Variants in TRIM36 observed in about 807,000 individuals in gnomAD.
TRIM36 encodes tripartite motif containing 36.
In TRIM36, 42 loss-of-function variants were observed where a neutral mutation model predicts 72.4. The observed-to-expected ratio is 0.58, with a 90% confidence interval of 0.45 to 0.75. The LOEUF (loss-of-function observed/expected upper bound fraction) is 0.75. TRIM36 is among the 30% of genes least tolerant of loss of function. The pLI, the probability that TRIM36 is intolerant of heterozygous loss-of-function variation, is 0.00. For missense variants in TRIM36, 913 were observed against 857.1 expected (o/e 1.07, Z -0.81); for synonymous variants, 315 against 282.8 (o/e 1.11, Z -1.14).
rs1340012431 is a variant in TRIM36, at chr5:115,169,603, C to A, written c.27+5G>T. 6.6e-7 allele frequency: 1 copy of A among 1,521,696 alleles called. No individual in the cohort carries two copies. The highest frequency in any genetic ancestry group is 8.8e-7 in the Non-Finnish European group (1 of 1,140,462). The allele number at this position is 1,521,696 out of a possible 1,614,324, so 94.3% of individuals were successfully genotyped here. On this transcript the variant is annotated splice_donor_5th_base_variant and intron_variant, in intron 1 of 9. Transcript: ENST00000513154. ...GGTGGGGGCGGCGGTCCCCTCCGCACTCACCGGCGAATCTGAGCCATCGCC... is the reference window on the plus strand; with the variant it reads ...GGTGGGGGCGGCGGTCCCCTCCGCAATCACCGGCGAATCTGAGCCATCGCC...
intron 9 of TRIM36, 90 bp from the exon 10 acceptor site, chr5:115,126,947 G>A: frequency 8.0e-7 from 1 of 1,243,510 alleles, no homozygotes; most frequent in South Asian, 1.7e-5. Flanking sequence ...TTGATGTAAA[G>A]TTAAAATAGT....
At chr5:115,167,735 C>CT (rs1487243073) in intron 1 of TRIM36, among the ~76,000 whole-genome samples, 2 of 152,214 alleles carry the variant, frequency 1.3e-5, no homozygotes, top group Non-Finnish European at 2.9e-5. Context: ...CAAACTGTTC[C>CT]AATCTCTGCC....
At chr5:115,128,517 C>T (rs1479556505) in intron 9 of TRIM36, among the ~76,000 whole-genome samples, 1 of 151,532 alleles carries the variant, frequency 6.6e-6, no homozygotes, top group Admixed American at 6.6e-5. Flanking sequence ...CTTTGGGAGG[C>T]TGAGGCGGGT....
chr5:115,130,659 C>G lies in TRIM36; in HGVS notation c.1729G>C (p.Val577Leu), dbSNP rs760902793. The G allele has an allele frequency of 6.2e-7, 1 of 1,614,168 alleles. No individual in the cohort carries two copies. Among genetic ancestry groups the G allele is most frequent in the South Asian group, 1.1e-5 (1 of 91,086 alleles). Reference sequence around the variant, plus strand: ...AGTTTATCGCTAGAAGCAACTCCCACTTTTACCAGGTATGAATATGGTTCC... The same window carrying G: ...AGTTTATCGCTAGAAGCAACTCCCAGTTTTACCAGGTATGAATATGGTTCC... ...RVEPYSYLVK[V>L]GVASSDKLQE... The change falls in exon 9 of 10, where the codon GTG becomes CTG. Residue 577 changes from valine to leucine, a missense_variant. By Grantham distance (32) the Val-to-Leu change is conservative. Coordinates refer to ENST00000513154, the MANE Select transcript of TRIM36 (RefSeq NM_001300759.2).
upstream of TRIM36, among the ~76,000 whole-genome samples, chr5:115,170,291 GCCCTGGC>G (rs950857748): frequency 3.9e-5 from 6 of 152,212 alleles, no homozygotes; most frequent in African/African-American, 1.2e-4. Context: ...GCCGGCTGCA[GCCCTGGC>G]CCCTGGCCCC....
chr5:115,131,419 G>C (rs1476979375), intron 8 of TRIM36, among the ~76,000 whole-genome samples: 1 of 151,992 alleles, frequency 6.6e-6, no homozygotes, highest in Non-Finnish European at 1.5e-5. Flanking sequence ...GAGAGACCTG[G>C]GTTTGAATCC....
intron 4 of TRIM36, among the ~76,000 whole-genome samples, chr5:115,143,156 G>T (rs1176381075): frequency 1.5e-5 from 2 of 136,962 alleles, no homozygotes; most frequent in African/African-American, 5.6e-5. Flanking sequence ...CACCCTACAG[G>T]TTCAAGGAAA....
At chr5:115,148,286 T>C in intron 2 of TRIM36, 1 of 952,398 alleles carries the variant, frequency 1.0e-6, no homozygotes, top group Non-Finnish European at 1.2e-6. Context: ...TTTTGTTCAG[T>C]ATTATCCCAA....
rs932836335 is a variant in TRIM36 at position 115,177,839 on chromosome 5, G to T, written c.63+2136C>A. Reference sequence around the variant, plus strand: ...CCACCTTTAGAAGTCAACCGGGAATGCTCATGGGTTTGCTGCAGGCCCATT... The same window carrying T: ...CCACCTTTAGAAGTCAACCGGGAATTCTCATGGGTTTGCTGCAGGCCCATT... On this transcript the variant is annotated intron_variant, in intron 1 of 9. Transcript: ENST00000282369. 3.1e-6 allele frequency: 5 copies of T among 1,614,050 alleles called. No individual in the cohort carries two copies. In the African/African-American group the frequency reaches 6.7e-5, roughly 22 times the overall value.
chr5:115,141,239 TAAC>T, intron 5 of TRIM36, 37 bp downstream of exon 5: 1 of 1,373,674 alleles, frequency 7.3e-7, no homozygotes, highest in African/African-American at 1.5e-5. Flanking sequence ...CTAGATAAAA[TAAC>T]AATAATTTAA....
intron 5 of TRIM36, 47 bp downstream of exon 5, chr5:115,141,232 G>A: frequency 7.6e-7 from 1 of 1,322,014 alleles, no homozygotes; most frequent in Non-Finnish European, 1.1e-6. Flanking sequence ...TGAATGTCTA[G>A]ATAAAATAAC....
intron 2 of TRIM36, chr5:115,148,225 C>A: frequency 3.1e-6 from 2 of 635,268 alleles, no homozygotes; most frequent in Non-Finnish European, 3.9e-6. Context: ...AAAAACACTA[C>A]AAATAATTTT....
chr5:115,172,474 A>G (rs368744871), upstream of TRIM36, among the ~76,000 whole-genome samples: 58 of 152,304 alleles, frequency 3.8e-4, 2 homozygotes, highest in African/African-American at 1.3e-3. Flanking sequence ...AGTGGCCCAC[A>G]CCTGTAATCC....
chr5:115,137,167 C>A, intron 6 of TRIM36, 43 bp from the exon 7 acceptor site: 2 of 1,532,764 alleles, frequency 1.3e-6, no homozygotes, highest in South Asian at 2.5e-5. Context: ...TTTAAGAAGT[C>A]AAATCAGACT....
intron 1 of TRIM36, among the ~76,000 whole-genome samples, chr5:115,167,784 A>G (rs917383488): frequency 6.6e-6 from 1 of 152,228 alleles, no homozygotes; most frequent in African/African-American, 2.4e-5. Context: ...ATTGTTGGGT[A>G]TCTTTACAGC....
chr5:115,138,122 CAG>C (rs759889294), intron 5 of TRIM36, among the ~76,000 whole-genome samples: 1 of 152,166 alleles, frequency 6.6e-6, no homozygotes, highest in Non-Finnish European at 1.5e-5. Context: ...TTTTTTGAGA[CAG>C]AGTCTCGCTC....
intron 2 of TRIM36, among the ~76,000 whole-genome samples, chr5:115,157,305 G>A (rs1232600911): frequency 6.6e-6 from 1 of 152,164 alleles, no homozygotes; most frequent in Non-Finnish European, 1.5e-5. Flanking sequence ...GCTCACACCT[G>A]TAATCCCAAC....
chr5:115,154,502 ATAC>A (rs1754065788), intron 2 of TRIM36, among the ~76,000 whole-genome samples: 1 of 152,212 alleles, frequency 6.6e-6, no homozygotes, highest in African/African-American at 2.4e-5. Context: ...GAATCAGGAG[ATAC>A]TACAACTGAC....
intron 2 of TRIM36, chr5:115,149,299 C>A (rs1024026048): frequency 1.3e-5 from 2 of 151,702 alleles, no homozygotes; most frequent in Non-Finnish European, 2.9e-5. Context: ...GAAAACAAGC[C>A]AAACAATTCT....
Sources: allele counts gnomAD v4.1 joint callset (sites outside exome capture counted in the v4.1 genomes callset), GRCh38; gene constraint gnomAD v4.1.1; transcripts MANE v1.5; gene names NCBI Gene and HGNC (gene_info 2026-07-23, HGNC 2026-07-21).